RPH3A: variants seen among roughly 807,000 people sequenced by gnomAD.
RPH3A encodes rabphilin-3A.
Under a neutral mutation model 102.2 loss-of-function variants are expected in RPH3A, and 48 were observed. The ratio of observed to expected loss-of-function variants is 0.47; its 90% CI spans 0.37 to 0.60. The LOEUF (loss-of-function observed/expected upper bound fraction) is 0.60. Ranked by LOEUF, RPH3A falls within the 20% of genes least tolerant of loss-of-function variation. The pLI is 0.00. For missense variants in RPH3A, 781 were observed against 910.1 expected (o/e 0.86, Z 1.83); for synonymous variants, 310 against 324.3 (o/e 0.96, Z 0.47).
intron 5 of RPH3A, among the ~76,000 whole-genome samples, chr12:112,857,082 C>A (rs2042423573): frequency 6.6e-6 from 1 of 152,096 alleles, no homozygotes; most frequent in Admixed American, 6.5e-5. Flanking sequence ...TGTTGGCATG[C>A]CTGTGTATCG....
At chr12:112,667,109 T>G (rs978630933) in intron 1 of RPH3A, among the ~76,000 whole-genome samples, 1 of 152,164 alleles carries the variant, frequency 6.6e-6, no homozygotes, top group African/African-American at 2.4e-5. Flanking sequence ...AAAAGCAGAG[T>G]GCCTCACCTC....
intron 1 of RPH3A, among the ~76,000 whole-genome samples, chr12:112,724,572 T>C (rs1396847245): frequency 1.3e-5 from 2 of 152,264 alleles, no homozygotes; most frequent in Non-Finnish European, 2.9e-5. Context: ...CGATATCAAA[T>C]GCTTATTTAT....
chr12:112,726,562 A>T (rs2040592197), intron 1 of RPH3A, among the ~76,000 whole-genome samples: 1 of 152,244 alleles, frequency 6.6e-6, no homozygotes, highest in Non-Finnish European at 1.5e-5. Flanking sequence ...AAATAATACT[A>T]CAGGGAACCC....
At chr12:112,648,755 A>G (rs1310506121) in intron 1 of RPH3A, among the ~76,000 whole-genome samples, 3 of 150,316 alleles carry the variant, frequency 2.0e-5, no homozygotes, top group African/African-American at 7.3e-5. Flanking sequence ...AAAAAAAAAA[A>G]AAAAAAAAAA....
At chr12:112,713,065 T>TTTG (rs2040489199) in intron 1 of RPH3A, among the ~76,000 whole-genome samples, 1 of 125,016 alleles carries the variant, frequency 8.0e-6, no homozygotes, top group African/African-American at 2.8e-5. Flanking sequence ...CTTCTTCTTC[T>TTTG]TCTTCTTCTT....
chr12:112,654,838 C>A (rs1012374617), intron 1 of RPH3A, among the ~76,000 whole-genome samples: 2 of 152,276 alleles, frequency 1.3e-5, no homozygotes, highest in South Asian at 4.1e-4. Context: ...AGAAACACCA[C>A]TTTGATATTG....
At chr12:112,812,669 T>TTCTC (rs35202488) in intron 2 of RPH3A, among the ~76,000 whole-genome samples, 1 of 149,934 alleles carries the variant, frequency 6.7e-6, no homozygotes, top group Non-Finnish European at 1.5e-5. Flanking sequence ...TTCTATCCCC[T>TTCTC]TCTCTCTCTC....
intron 1 of RPH3A, among the ~76,000 whole-genome samples, chr12:112,661,723 G>A (rs1193522467): frequency 1.3e-5 from 2 of 151,652 alleles, no homozygotes; most frequent in Admixed American, 6.5e-5. Flanking sequence ...CTCCTGTTCA[G>A]TCTTCAGAAT....
chr12:112,600,444 A>G (rs1230576680), intron 1 of RPH3A, among the ~76,000 whole-genome samples: 1 of 152,186 alleles, frequency 6.6e-6, no homozygotes, highest in Non-Finnish European at 1.5e-5. Flanking sequence ...TGTGAGACAG[A>G]GATCTGAGTT....
At chr12:112,756,695 T>G (rs1565871361) in intron 1 of RPH3A, among the ~76,000 whole-genome samples, 1 of 152,220 alleles carries the variant, frequency 6.6e-6, no homozygotes, top group Non-Finnish European at 1.5e-5. Flanking sequence ...CTCTTACACT[T>G]CTTCAGTGAA....
intron 14 of RPH3A, among the ~76,000 whole-genome samples, chr12:112,879,883 T>C (rs1370799526): frequency 1.3e-5 from 2 of 152,318 alleles, no homozygotes; most frequent in East Asian, 3.9e-4. Context: ...CCTAGCTGTG[T>C]GACTTGGGAG....
At chr12:112,644,431 G>A (rs1420301134) in intron 1 of RPH3A, among the ~76,000 whole-genome samples, 1 of 152,136 alleles carries the variant, frequency 6.6e-6, no homozygotes, top group Non-Finnish European at 1.5e-5. Context: ...TTGTCCTTCA[G>A]CACTCATCTC....
At chr12:112,711,061 C>T (rs927192122) in intron 1 of RPH3A, among the ~76,000 whole-genome samples, 4 of 152,288 alleles carry the variant, frequency 2.6e-5, no homozygotes, top group East Asian at 3.9e-4. Context: ...TCAAGAACAG[C>T]GTTTGGGAGA....
chr12:112,869,957 G>A lies in RPH3A; in HGVS notation c.714G>A (p.Glu238=), dbSNP rs774721328. ...GGCCTCCCGTGCGCAGGGCCTCCGA[G>A]GCACGAATGAGCTCATCTAGCCGAG... ...NYGPPVRRAS[E]ARMSSSSRDS... is the part of the protein sequence containing the mutation. The change falls in exon 10 of 22, where the codon GAG becomes GAA. Residue 238 remains glutamate (E), a synonymous_variant. Coordinates refer to ENST00000389385, the MANE Select transcript of RPH3A (RefSeq NM_001143854.2). 2.4e-5 allele frequency: 38 copies of A among 1,614,058 alleles called. No homozygotes were observed. The highest frequency in any genetic ancestry group is 3.1e-5 in the Non-Finnish European group (36 of 1,180,030).
chr12:112,890,583 G>A (rs979075655), intron 18 of RPH3A, among the ~76,000 whole-genome samples: 2 of 152,116 alleles, frequency 1.3e-5, no homozygotes, highest in Admixed American at 6.5e-5. Context: ...TCAGTGACCC[G>A]GAGCAAGTTT....
chr12:112,714,401 C>T (rs10400584), intron 1 of RPH3A, among the ~76,000 whole-genome samples: 60,891 of 151,820 alleles, frequency 0.4, 12,644 homozygotes, highest in South Asian at 0.57. Context: ...GGAGCCAGGC[C>T]TCGCTCTAAT....
At chr12:112,672,422 C>T (rs1027681797) in intron 1 of RPH3A, among the ~76,000 whole-genome samples, 3 of 152,192 alleles carry the variant, frequency 2.0e-5, no homozygotes, top group Admixed American at 6.5e-5. Context: ...AACTGGGCAC[C>T]ATGGCCTAGC....
At chr12:112,736,407 G>A (rs1356534250) in intron 1 of RPH3A, among the ~76,000 whole-genome samples, 1 of 152,206 alleles carries the variant, frequency 6.6e-6, no homozygotes, top group Non-Finnish European at 1.5e-5. Flanking sequence ...CCTTCTGACT[G>A]TCCCCTCACT....
chr12:112,656,414 G>A (rs1592928612), intron 1 of RPH3A, among the ~76,000 whole-genome samples: 2 of 152,168 alleles, frequency 1.3e-5, no homozygotes, highest in East Asian at 3.8e-4. Flanking sequence ...TATAGATGTT[G>A]TAATTCTTCC....
Sources: gnomAD v4.1 joint callset for allele counts (sites outside exome capture counted in the v4.1 genomes callset) on GRCh38, gnomAD v4.1.1 for gene constraint, MANE v1.5 for transcripts, NCBI Gene and HGNC (gene_info 2026-07-23, HGNC 2026-07-21) for gene names.